MGA: variants seen among roughly 807,000 people sequenced by gnomAD.
MGA encodes the protein MAX gene-associated protein.
Under a neutral mutation model 261.1 loss-of-function variants are expected in MGA, and 40 were observed. The ratio of observed to expected loss-of-function variants is 0.15; its 90% CI spans 0.12 to 0.20. The LOEUF (loss-of-function observed/expected upper bound fraction) is 0.20. Among genes scored for constraint, MGA ranks in the 10% least tolerant of loss-of-function variants. MGA has a pLI of 1.00. For synonymous variants in MGA, 1,302 were observed against 1,290.6 expected, an observed-to-expected ratio of 1.01 and a Z score of -0.19; for missense variants, 3,397 against 3,630.5, an observed-to-expected ratio of 0.94 and a Z score of 1.65.
chr15:41,729,796 C>G (rs1038097483), intron 11 of MGA, among the ~76,000 whole-genome samples: 2 of 152,154 alleles, frequency 1.3e-5, no homozygotes, highest in African/African-American at 4.8e-5. Flanking sequence ...TATCATGCCA[C>G]TTTACTCCAG....
chr15:41,637,183 G>A (rs903804044), intron 1 of MGA, among the ~76,000 whole-genome samples: 1 of 152,164 alleles, frequency 6.6e-6, no homozygotes, highest in African/African-American at 2.4e-5. Flanking sequence ...ATAAGAGTGA[G>A]TATTGTTTTG....
At chr15:41,729,465 C>A in intron 11 of MGA, 116 bp downstream of exon 11, 1 of 961,022 alleles carries the variant, frequency 1.0e-6, no homozygotes, top group Non-Finnish European at 1.5e-6. Flanking sequence ...TCATACATGA[C>A]ATGTATAACA....
chr15:41,642,092 C>T (rs533618738), intron 1 of MGA, among the ~76,000 whole-genome samples: 11 of 152,050 alleles, frequency 7.2e-5, no homozygotes, highest in Non-Finnish European at 1.2e-4. Flanking sequence ...TGAGCCACTG[C>T]GCCAGGGCCT....
chr15:41,743,201 A>T (rs2062216758), intron 15 of MGA, 29 bp downstream of exon 15: 3 of 1,567,156 alleles, frequency 1.9e-6, no homozygotes, highest in African/African-American at 2.7e-5. Flanking sequence ...TAGCTGCTTT[A>T]TTTTACTGTA....
intron 19 of MGA, among the ~76,000 whole-genome samples, chr15:41,759,786 G>T (rs1024589808): frequency 6.6e-6 from 1 of 152,100 alleles, no homozygotes; most frequent in Non-Finnish European, 1.5e-5. Flanking sequence ...TAGGTAAGAG[G>T]TGGGATAAGT....
intron 2 of MGA, among the ~76,000 whole-genome samples, chr15:41,672,866 G>GCGCACA (rs1555408297): frequency 9.3e-5 from 14 of 150,306 alleles, no homozygotes; most frequent in Admixed American, 2.0e-4. Context: ...ACATGCGTGT[G>GCGCACA]CACACACACA....
At chr15:41,690,021 T>C (rs1219954341) in intron 2 of MGA, among the ~76,000 whole-genome samples, 4 of 152,360 alleles carry the variant, frequency 2.6e-5, no homozygotes, top group African/African-American at 9.6e-5. Context: ...GTTACTTCAG[T>C]GCTGCAGTCA....
rs1310535557 is a variant in MGA at position 41,767,966 on chromosome 15, C to T, written c.*686C>T. The T allele has an allele frequency of 6.6e-6, 1 of 152,374 alleles. No individual in the cohort carries two copies. Among genetic ancestry groups the T allele is most frequent in the Non-Finnish European group, 1.5e-5 (1 of 68,038 alleles). 9.4% of individuals were successfully genotyped at this position (152,374 alleles called of 1,614,324 possible). On this transcript the variant is annotated 3_prime_UTR_variant, in exon 24 of 24. Transcript: ENST00000219905. ...GAGATCTTAAAAAAATAGTAGTTCTCCCTTATTATTTTTGTGGGCATTGAA... is the reference window on the plus strand; with the variant it reads ...GAGATCTTAAAAAAATAGTAGTTCTTCCTTATTATTTTTGTGGGCATTGAA...
chr15:41,765,081 C>A lies in MGA; in HGVS notation c.7921+19C>A. On this transcript the variant is annotated intron_variant, in intron 23 of 23. Coordinates refer to ENST00000219905, the MANE Select transcript of MGA (RefSeq NM_001164273.2). The stretch of plus-strand genomic sequence containing the variant: ...CTACCAGGTATGTTGTAAGTGTTGT[C>A]CTCTATGGGAAGTGATAAAGTTATC... 1 of 1,612,666 alleles carries A rather than the reference C, an allele frequency of 6.2e-7. No individual in the cohort carries two copies.
At chr15:41,712,088 T>G (rs962801765) in intron 8 of MGA, among the ~76,000 whole-genome samples, 8 of 152,194 alleles carry the variant, frequency 5.3e-5, no homozygotes, top group Non-Finnish European at 7.4e-5. Context: ...AATTTTGTAT[T>G]AATAATTTTT....
intron 2 of MGA, among the ~76,000 whole-genome samples, chr15:41,681,831 A>G (rs1021371300): frequency 1.3e-5 from 2 of 152,142 alleles, no homozygotes; most frequent in Admixed American, 6.5e-5. Context: ...ATTTTCTTTT[A>G]TAACTTTGTT....
chr15:41,766,729 G>A lies in MGA; in HGVS notation c.8647G>A (p.Gly2883Ser). The A allele has an allele frequency of 1.9e-6, 3 of 1,613,912 alleles. No homozygotes were observed. The highest frequency in any genetic ancestry group is 2.5e-6 in the Non-Finnish European group (3 of 1,179,868). The change falls in exon 24 of 24, where the codon GGT (glycine) becomes AGT (serine). Residue 2883 changes from glycine to serine, a missense_variant. Around this residue, in one of 9 missense-constraint regions of MGA, gnomAD observed 647 missense variants for 642.4 expected, o/e 1.01. Coordinates refer to ENST00000219905, the MANE Select transcript of MGA (RefSeq NM_001164273.2). ...TTTCCAGGTTGAGCACTTGGGAACT[G>A]GTTTGAAAGAGTTGCCTGATGTTCA...
upstream of MGA, among the ~76,000 whole-genome samples, chr15:41,657,680 CA>C (rs2057234498): frequency 5.3e-5 from 3 of 56,742 alleles, no homozygotes; most frequent in African/African-American, 1.3e-4. Context: ...AAAAACAAAA[CA>C]AAACAAAAAA....
chr15:41,639,308 G>A (rs7176474), intron 1 of MGA, among the ~76,000 whole-genome samples: 113,912 of 151,948 alleles, frequency 0.75, 44,104 homozygotes, highest in East Asian at 0.88. Flanking sequence ...TTCCAGCTCC[G>A]TGAGTCTTTT....
chr15:41,691,869 C>G (rs2059308700), intron 2 of MGA, among the ~76,000 whole-genome samples: 1 of 152,010 alleles, frequency 6.6e-6, no homozygotes, highest in Non-Finnish European at 1.5e-5. Context: ...CTTTCATTTT[C>G]AGCAGCCTGA....
At chr15:41,722,155 A>T (rs188834875) in intron 9 of MGA, among the ~76,000 whole-genome samples, 43 of 114,424 alleles carry the variant, frequency 3.8e-4, no homozygotes, top group African/African-American at 1.5e-3. Flanking sequence ...TTTGAGACGG[A>T]GTCTTGCTCT....
chr15:41,677,973 T>C (rs1383806024), intron 2 of MGA, among the ~76,000 whole-genome samples: 1 of 152,202 alleles, frequency 6.6e-6, no homozygotes, highest in African/African-American at 2.4e-5. Context: ...CCTGTGCTTT[T>C]GATGTTATGC....
chr15:41,762,461 G>GTTTTTTTTTTTTTTTTTTTTGTTTTTTTT (rs2063526207), intron 22 of MGA, 99 bp downstream of exon 22: 1 of 125,094 alleles, frequency 8.0e-6, no homozygotes, highest in Non-Finnish European at 1.4e-5. Context: ...GTTTTGTGTG[G>GTTTTTTTTTTTTTTTTTTTTGTTTTTTTT]TTTTTTTTTT....
intron 9 of MGA, among the ~76,000 whole-genome samples, chr15:41,721,723 C>T (rs941104617): frequency 1.3e-5 from 2 of 152,140 alleles, no homozygotes; most frequent in African/African-American, 4.8e-5. Flanking sequence ...TTGATAAAGA[C>T]AATGAACAAT....
Sources: gnomAD v4.1 joint callset for allele counts (sites outside exome capture counted in the v4.1 genomes callset) on GRCh38, gnomAD v4.1.1 for gene constraint, gnomAD v4.1.1 regional missense constraint, MANE v1.5 for transcripts, NCBI Gene and HGNC (gene_info 2026-07-23, HGNC 2026-07-21) for gene names.